ANKRD29: variants seen among roughly 807,000 people sequenced by gnomAD.
The protein encoded by ANKRD29 is ankyrin repeat domain-containing protein 29.
Under a neutral mutation model 38.0 loss-of-function variants are expected in ANKRD29, and 32 were observed. That is an observed-to-expected ratio of 0.84 (90% confidence interval 0.64 to 1.13). The LOEUF (loss-of-function observed/expected upper bound fraction) is 1.13, where lower values mean the gene tolerates loss of function less well. Ranked by LOEUF, ANKRD29 falls within the 50% of genes most tolerant of loss-of-function variation. The pLI is 0.00. For missense variants in ANKRD29, 357 were observed against 377.9 expected (o/e 0.94, Z 0.46); for synonymous variants, 135 against 152.4 (o/e 0.89, Z 0.84).
intron 3 of ANKRD29, among the ~76,000 whole-genome samples, chr18:23,643,625 T>C (rs1002771475): frequency 1.3e-5 from 2 of 152,180 alleles, no homozygotes; most frequent in African/African-American, 4.8e-5. Context: ...TACCTTAGTC[T>C]GGAATGTGAA....
chr18:23,626,582 A>T (rs2059865202), intron 6 of ANKRD29, among the ~76,000 whole-genome samples: 1 of 152,216 alleles, frequency 6.6e-6, no homozygotes, highest in African/African-American at 2.4e-5. Context: ...GTGACTCTTG[A>T]CCTTTTGGCT....
intron 3 of ANKRD29, among the ~76,000 whole-genome samples, chr18:23,639,254 G>C (rs1185791978): frequency 6.6e-6 from 1 of 152,116 alleles, no homozygotes; most frequent in Non-Finnish European, 1.5e-5. Context: ...GCTTATCCTG[G>C]GTTATCTGGG....
Position 23,634,035 on chromosome 18 carries a change from C to T in ANKRD29, c.429+16G>A, listed in dbSNP as rs2145694630. 1 of 1,613,042 alleles carries T rather than the reference C, an allele frequency of 6.2e-7. No homozygotes were observed. The highest frequency in any genetic ancestry group is 2.2e-5 in the East Asian group (1 of 44,886). On this transcript the variant is annotated intron_variant, in intron 5 of 9. Coordinates refer to ENST00000592179, the MANE Select transcript of ANKRD29 (RefSeq NM_173505.4). ...GTGATGAGAAATGTCCTAATGTCCC[C>T]CTGAAATGCACTCACATAAAGTTGG...
chr18:23,648,748 T>G, intron 2 of ANKRD29: 1 of 407,434 alleles, frequency 2.5e-6, no homozygotes, highest in Non-Finnish European at 4.3e-6. Flanking sequence ...TGCTCTAAAT[T>G]ATCTCCATCT....
Position 23,649,096 on chromosome 18 carries a change from T to G in ANKRD29, c.119A>C (p.Asp40Ala), listed in dbSNP as rs769969125. ...LLLNSGRVDV[D>A]CRDSHGTTLL... ...GAACCACCGTACGCTGTCTCTGCAG[T>G]CCACGTCCACCCGGCCGCTGTTCAA... Residue 40 changes from aspartate to alanine, a missense_variant, in exon 2 of 10, where the codon GAC becomes GCC. Physicochemically the swap from Asp to Ala is moderately radical, Grantham distance 126. Coordinates refer to ENST00000592179, the MANE Select transcript of ANKRD29 (RefSeq NM_173505.4). 1.9e-6 allele frequency: 3 copies of G among 1,614,146 alleles called. No individual in the cohort carries two copies. The highest frequency in any genetic ancestry group is 1.7e-6 in the Non-Finnish European group (2 of 1,179,990).
intron 1 of ANKRD29, among the ~76,000 whole-genome samples, chr18:23,658,754 A>G (rs972751896): frequency 1.3e-5 from 2 of 152,166 alleles, no homozygotes; most frequent in Non-Finnish European, 2.9e-5. Context: ...GAGGTTGTGT[A>G]GGTATAGCCC....
intron 5 of ANKRD29, among the ~76,000 whole-genome samples, chr18:23,630,402 G>C (rs1232098272): frequency 1.3e-5 from 2 of 151,532 alleles, no homozygotes. Flanking sequence ...TTCCAGCCTG[G>C]GCAAAAGAGC....
At chr18:23,633,648 G>T (rs1413071695) in intron 5 of ANKRD29, among the ~76,000 whole-genome samples, 2 of 152,066 alleles carry the variant, frequency 1.3e-5, no homozygotes, top group Non-Finnish European at 2.9e-5. Context: ...TCAGCTCACC[G>T]CAACCTTCAC....
At chr18:23,649,249 T>C in intron 1 of ANKRD29, 56 bp from the exon 2 acceptor site, 1 of 1,240,346 alleles carries the variant, frequency 8.1e-7, no homozygotes, top group Non-Finnish European at 1.2e-6. Context: ...ACATGACTGC[T>C]GCTATGCACA....
intron 4 of ANKRD29, among the ~76,000 whole-genome samples, chr18:23,634,835 C>G (rs193231357): frequency 2.0e-5 from 3 of 152,296 alleles, no homozygotes; most frequent in Non-Finnish European, 4.4e-5. Context: ...AGAAAAGCCT[C>G]CCAGGGCTTC....
At chr18:23,602,322 C>T (rs757921475) in intron 9 of ANKRD29, among the ~76,000 whole-genome samples, 1 of 152,128 alleles carries the variant, frequency 6.6e-6, no homozygotes, top group Non-Finnish European at 1.5e-5. Context: ...AGGTGTGAGC[C>T]ACCGCGCCCG....
At chr18:23,633,293 C>A (rs2059957313) in intron 5 of ANKRD29, among the ~76,000 whole-genome samples, 1 of 152,182 alleles carries the variant, frequency 6.6e-6, no homozygotes, top group Non-Finnish European at 1.5e-5. Flanking sequence ...CTTCATCCAT[C>A]CAACCTCACT....
intron 1 of ANKRD29, among the ~76,000 whole-genome samples, chr18:23,660,371 T>C (rs2060343773): frequency 6.6e-6 from 1 of 152,282 alleles, no homozygotes; most frequent in Admixed American, 6.5e-5. Flanking sequence ...TCTATTCATA[T>C]GTCCACTTTA....
At chr18:23,655,293 T>G (rs1003196878) in intron 1 of ANKRD29, among the ~76,000 whole-genome samples, 2 of 151,732 alleles carry the variant, frequency 1.3e-5, no homozygotes, top group African/African-American at 2.4e-5. Context: ...CTTTGGAACT[T>G]AGGCGCAACG....
At chr18:23,653,816 T>G (rs117528995) in intron 1 of ANKRD29, among the ~76,000 whole-genome samples, 1,529 of 150,556 alleles carry the variant, frequency 0.01, 20 homozygotes, top group Middle Eastern at 0.017. Flanking sequence ...AGTAATCCAC[T>G]TGCCTCAGCC....
chr18:23,661,274 G>A (rs1733024247), intron 1 of ANKRD29, among the ~76,000 whole-genome samples: 3 of 152,150 alleles, frequency 2.0e-5, no homozygotes, highest in Admixed American at 1.3e-4. Context: ...GCCCAGACTT[G>A]CCTCCTGGGA....
At chr18:23,638,795 C>G in intron 4 of ANKRD29, 54 bp downstream of exon 4, 1 of 1,417,306 alleles carries the variant, frequency 7.1e-7, no homozygotes, top group South Asian at 1.3e-5. Context: ...AAAAGCAATA[C>G]CCATGGCTGC....
chr18:23,605,403 T>C (rs539656730), intron 9 of ANKRD29, among the ~76,000 whole-genome samples: 3 of 152,218 alleles, frequency 2.0e-5, no homozygotes, highest in African/African-American at 7.2e-5. Flanking sequence ...GGTCTTGCTA[T>C]GTTGCCCAGG....
intron 6 of ANKRD29, among the ~76,000 whole-genome samples, chr18:23,621,032 A>C (rs959672498): frequency 1.3e-5 from 2 of 152,174 alleles, no homozygotes; most frequent in Admixed American, 6.5e-5. Flanking sequence ...AGGGCCACGC[A>C]TGAGGCTCTC....
Sources: allele counts gnomAD v4.1 joint callset (sites outside exome capture counted in the v4.1 genomes callset), GRCh38; gene constraint gnomAD v4.1.1; transcripts MANE v1.5; gene names NCBI Gene and HGNC (gene_info 2026-07-23, HGNC 2026-07-21).